The following PSD3 variants were observed in gnomAD, a reference collection of about 807,000 sequenced individuals.
PSD3 encodes the protein pleckstrin and Sec7 domain containing 3, also known as PH and SEC7 domain-containing protein 3.
Under a neutral mutation model 105.5 loss-of-function variants are expected in PSD3, and 49 were observed. The ratio of observed to expected loss-of-function variants is 0.46; its 90% CI spans 0.37 to 0.59. PSD3 has a LOEUF of 0.59. Ranked by LOEUF, PSD3 falls within the 20% of genes least tolerant of loss-of-function variation. The probability of loss-of-function intolerance (pLI) is 0.00; values close to 1 mark genes in which losing one functional copy is unlikely to be tolerated. For missense variants in PSD3, 1,561 were observed against 1,263.8 expected (o/e 1.24, Z -3.57); for synonymous variants, 557 against 457.8 (o/e 1.22, Z -2.77).
intron 9 of PSD3, among the ~76,000 whole-genome samples, chr8:18,724,332 C>T (rs1803200124): frequency 6.6e-6 from 1 of 152,196 alleles, no homozygotes. Context: ...TACTGTTGGG[C>T]CAGGTGTGGT....
At chr8:18,767,122 T>A (rs1240915967) in intron 8 of PSD3, among the ~76,000 whole-genome samples, 1 of 152,068 alleles carries the variant, frequency 6.6e-6, no homozygotes, top group Non-Finnish European at 1.5e-5. Flanking sequence ...GAAAATTATC[T>A]CCCAGCACGT....
At chr8:18,913,131 TCTC>T (rs1044400118) in intron 2 of PSD3, among the ~76,000 whole-genome samples, 16 of 146,628 alleles carry the variant, frequency 1.1e-4, no homozygotes, top group Non-Finnish European at 1.5e-4. Context: ...ACACTCTCCT[TCTC>T]CTATTTCAAT....
chr8:18,535,513 C>G lies in PSD3; in HGVS notation c.*230G>C. ...ATTCTGAAATCACGATCCCCTCCTC[C>G]TCACAGAAAAGGTGCATTAGCTATC... On this transcript the variant is annotated 3_prime_UTR_variant, in exon 16 of 16. Transcript: ENST00000327040. 1 of 532,640 alleles carries G rather than the reference C, an allele frequency of 1.9e-6. No homozygotes were observed. The highest frequency in any genetic ancestry group is 3.3e-6 in the Non-Finnish European group (1 of 298,938). The allele number at this position is 532,640 out of a possible 1,614,324, so 33.0% of individuals were successfully genotyped here.
At chr8:18,847,716 C>T (rs1450057914) in intron 4 of PSD3, among the ~76,000 whole-genome samples, 1 of 152,144 alleles carries the variant, frequency 6.6e-6, no homozygotes, top group Non-Finnish European at 1.5e-5. Flanking sequence ...ATAAACAGAG[C>T]TGGGGCCAGA....
At chr8:18,619,360 G>C (rs1215616557) in intron 11 of PSD3, among the ~76,000 whole-genome samples, 1 of 152,138 alleles carries the variant, frequency 6.6e-6, no homozygotes, top group East Asian at 1.9e-4. Flanking sequence ...AAGACCTAAG[G>C]CCACTGGGGT....
intron 1 of PSD3, among the ~76,000 whole-genome samples, chr8:19,038,023 G>C (rs1012448692): frequency 6.6e-6 from 1 of 151,142 alleles, no homozygotes; most frequent in African/African-American, 2.4e-5. Flanking sequence ...ATCTCCTATT[G>C]ATTCTGCTGG....
chr8:18,916,346 A>C (rs1304796310), intron 2 of PSD3, among the ~76,000 whole-genome samples: 2 of 72,956 alleles, frequency 2.7e-5, no homozygotes, highest in Non-Finnish European at 5.4e-5. Flanking sequence ...ATATATATAT[A>C]TATACACACA....
intron 4 of PSD3, among the ~76,000 whole-genome samples, chr8:18,812,518 C>G (rs189041847): frequency 6.6e-6 from 1 of 152,112 alleles, no homozygotes; most frequent in African/African-American, 2.4e-5. Flanking sequence ...CAGGGAGGAG[C>G]TGGCTTGGGT....
intron 6 of PSD3, among the ~76,000 whole-genome samples, chr8:18,802,574 C>T (rs764132817): frequency 1.3e-5 from 2 of 152,070 alleles, no homozygotes; most frequent in African/African-American, 2.4e-5. Flanking sequence ...ATCTTTCATC[C>T]ACTGATAACT....
At chr8:18,807,132 T>C (rs1359815350) in intron 4 of PSD3, among the ~76,000 whole-genome samples, 1 of 152,152 alleles carries the variant, frequency 6.6e-6, no homozygotes, top group Non-Finnish European at 1.5e-5. Context: ...GTAGTAAAAA[T>C]AAATGCATTT....
intron 10 of PSD3, among the ~76,000 whole-genome samples, chr8:18,646,539 A>G (rs11998356): frequency 0.064 from 9,693 of 152,184 alleles, 375 homozygotes; most frequent in African/African-American, 0.11. Context: ...AGGGATTCCA[A>G]CTTTTCTTCA....
intron 4 of PSD3, among the ~76,000 whole-genome samples, chr8:18,833,786 G>T (rs910114718): frequency 3.3e-5 from 5 of 151,812 alleles, no homozygotes; most frequent in Non-Finnish European, 5.9e-5. Context: ...AAAAAGAAAT[G>T]AAAGAAAAAA....
chr8:18,923,577 T>C (rs1414995912), intron 2 of PSD3, among the ~76,000 whole-genome samples: 1 of 152,212 alleles, frequency 6.6e-6, no homozygotes, highest in Non-Finnish European at 1.5e-5. Context: ...GTGTTACAAT[T>C]GCCCACAGTA....
At chr8:18,594,649 G>A (rs991652755) in intron 12 of PSD3, among the ~76,000 whole-genome samples, 10 of 151,068 alleles carry the variant, frequency 6.6e-5, no homozygotes, top group East Asian at 3.9e-4. Context: ...CTTGGTATCC[G>A]TGGGAGATTT....
chr8:19,068,955 C>T (rs1161194297), intron 1 of PSD3, among the ~76,000 whole-genome samples: 3 of 152,080 alleles, frequency 2.0e-5, no homozygotes, highest in Non-Finnish European at 4.4e-5. Flanking sequence ...TGCCCTGTCA[C>T]TGTCTTTGGG....
intron 4 of PSD3, among the ~76,000 whole-genome samples, chr8:18,851,264 T>G (rs1331275075): frequency 6.6e-6 from 1 of 152,210 alleles, no homozygotes; most frequent in Non-Finnish European, 1.5e-5. Flanking sequence ...AAGTCATAGC[T>G]GGTAAACAAC....
intron 4 of PSD3, among the ~76,000 whole-genome samples, chr8:18,813,701 C>T (rs1044865631): frequency 2.0e-5 from 3 of 152,192 alleles, no homozygotes; most frequent in Admixed American, 6.5e-5. Context: ...AGTTCAAACA[C>T]TGGCTCCAGT....
At chr8:19,047,692 G>A (rs551386517) in intron 1 of PSD3, among the ~76,000 whole-genome samples, 6 of 152,148 alleles carry the variant, frequency 3.9e-5, no homozygotes, top group Admixed American at 2.0e-4. Context: ...GGCACAACAC[G>A]GGCACTCAGT....
In PSD3 at chr8:19,013,584, C is replaced by T. The variant is rs750855712; in HGVS notation, c.-1G>A. 169 of 1,516,898 alleles carry T rather than the reference C, an allele frequency of 1.1e-4. No individual in the cohort carries two copies. The highest frequency in any genetic ancestry group is 9.5e-5 in the Non-Finnish European group (108 of 1,141,432). The allele number at this position is 1,516,898 out of a possible 1,614,324, so 94.0% of individuals were successfully genotyped here. On this transcript the variant is annotated 5_prime_UTR_variant, in exon 1 of 16. Transcript: ENST00000327040. ...TCACCGCTGCGCTCCTTCCTTCCAT[C>T]TTCCATCGCCAGCCCGGCCGCGCGC... is the stretch of plus-strand genomic sequence containing the variant.
Sources: allele counts gnomAD v4.1 joint callset (sites outside exome capture counted in the v4.1 genomes callset), GRCh38; gene constraint gnomAD v4.1.1; transcripts MANE v1.5; gene names NCBI Gene and HGNC (gene_info 2026-07-23, HGNC 2026-07-21).